The following RAB44 variants were observed in gnomAD, a reference collection of about 807,000 sequenced individuals.
The protein encoded by RAB44 is RAB44, member RAS oncogene family, also known as ras-related protein Rab-44.
RAB44 carries 67 observed loss-of-function variants against 93.3 expected under a neutral mutation model. The ratio of observed to expected loss-of-function variants is 0.72; its 90% CI spans 0.59 to 0.88. The LOEUF is 0.88. Among genes scored for constraint, RAB44 ranks in the 40% least tolerant of loss-of-function variants. RAB44 has a pLI of 0.00. For synonymous variants in RAB44, 427 were observed against 520.3 expected (o/e 0.82, Z 2.44); for missense variants, 1,064 against 1,261.7 (o/e 0.84, Z 2.37).
At chr6:36,726,662 C>G (rs1763246036) in intron 10 of RAB44, among the ~76,000 whole-genome samples, 1 of 152,180 alleles carries the variant, frequency 6.6e-6, no homozygotes, top group South Asian at 2.1e-4. Context: ...TCATAGTATT[C>G]TCACTTGTGT....
At position 36,722,180 on chromosome 6, in the gene RAB44, G is replaced by T; in HGVS notation, c.2046G>T (p.Glu682Asp). ...EEPRSEEGKQ[E>D]GRGGQDLSSE... ...CCAGGTCTGAGGAAGGAAAACAAGA[G>T]GGCAGAGGTGGGCAGGACCTCAGTT... The change falls in exon 9 of 14, where the codon GAG (glutamate) becomes GAT (aspartate). Residue 682 changes from glutamate (E) to aspartate (D), a missense_variant. Coordinates refer to ENST00000612677, the MANE Select transcript of RAB44 (RefSeq NM_001257357.2). 1 of 1,237,906 alleles carries T rather than the reference G, an allele frequency of 8.1e-7. No homozygotes were observed. 76.7% of individuals were successfully genotyped at this position (1,237,906 alleles called of 1,614,324 possible).
chr6:36,718,980 C>A (rs1484254453), intron 7 of RAB44, among the ~76,000 whole-genome samples: 8 of 151,952 alleles, frequency 5.3e-5, no homozygotes, highest in Non-Finnish European at 1.2e-4. Flanking sequence ...TCTTGGCTCA[C>A]TGCAAGCTCC....
chr6:36,710,465 G>T (rs1762756506), intron 2 of RAB44, among the ~76,000 whole-genome samples: 1 of 151,992 alleles, frequency 6.6e-6, no homozygotes, highest in Admixed American at 6.5e-5. Flanking sequence ...CACTTGGGTT[G>T]ATTCTTTTGG....
chr6:36,711,105 A>C (rs1294148293), intron 2 of RAB44, among the ~76,000 whole-genome samples: 1 of 152,240 alleles, frequency 6.6e-6, no homozygotes, highest in African/African-American at 2.4e-5. Context: ...ATTATTTATT[A>C]ATTGATGTAC....
chr6:36,715,118 T>TATATATATATATATATATATATATATATA (rs1562058557), intron 3 of RAB44, among the ~76,000 whole-genome samples: 7 of 151,720 alleles, frequency 4.6e-5, no homozygotes, highest in African/African-American at 1.7e-4. Flanking sequence ...TATATATATA[T>TATATATATATATATATATATATATATATA]TCTTTTCAAC....
intron 12 of RAB44, among the ~76,000 whole-genome samples, chr6:36,729,493 T>C (rs911691236): frequency 6.6e-6 from 1 of 151,224 alleles, no homozygotes; most frequent in East Asian, 1.9e-4. Context: ...TTTCTTTTTT[T>C]TTTTTTTGAG....
chr6:36,725,206 C>T (rs910014300), intron 9 of RAB44, among the ~76,000 whole-genome samples: 3 of 152,122 alleles, frequency 2.0e-5, no homozygotes, highest in Non-Finnish European at 2.9e-5. Context: ...GTTTCACTCT[C>T]GTTGCCCAGG....
rs1452401339 is a variant in RAB44 at position 36,731,701 on chromosome 6, A to G, written c.2976-302A>G. On this transcript the variant is annotated intron_variant, in intron 13 of 13. Coordinates refer to ENST00000612677, the MANE Select transcript of RAB44 (RefSeq NM_001257357.2). The surrounding 1 kb of genome is among the most constrained non-coding windows in gnomAD (Gnocchi z 4.0). ...GTGTGAAGTCCCTGTGTGCCTCCCCATCATTCCCGGGCTGCAGTCACCCCT... is the reference window on the plus strand; with the variant it reads ...GTGTGAAGTCCCTGTGTGCCTCCCCGTCATTCCCGGGCTGCAGTCACCCCT... Among the ~76,000 whole-genome samples the G allele has an allele frequency of 6.6e-6, 1 of 151,916 alleles. No homozygotes were observed.
intron 9 of RAB44, 105 bp from the exon 10 acceptor site, chr6:36,725,757 A>G (rs1763221876): frequency 1.1e-5 from 8 of 759,486 alleles, no homozygotes; most frequent in South Asian, 1.5e-5. Context: ...CAAGGGCTCC[A>G]TCGCACCGCA....
chr6:36,728,916 C>T (rs1232723175), intron 12 of RAB44, 115 bp downstream of exon 12: 15 of 793,012 alleles, frequency 1.9e-5, no homozygotes, highest in East Asian at 1.9e-4. Flanking sequence ...GTGGCCCATT[C>T]CTGCCCCTGC....
At chr6:36,724,953 T>C (rs1005882287) in intron 9 of RAB44, among the ~76,000 whole-genome samples, 1 of 152,210 alleles carries the variant, frequency 6.6e-6, no homozygotes, top group Non-Finnish European at 1.5e-5. Flanking sequence ...CGGGACCAGA[T>C]AGAGAATCAG....
chr6:36,703,727 G>A (rs1562051473), intron 1 of RAB44, among the ~76,000 whole-genome samples: 1 of 152,106 alleles, frequency 6.6e-6, no homozygotes, highest in Non-Finnish European at 1.5e-5. Flanking sequence ...AGGCTGACAG[G>A]GGAGGAGGTG....
chr6:36,721,165 G>T lies in RAB44; in HGVS notation c.1031G>T (p.Gly344Val). ...VEEKLSFPGA[G>V]EKTPDPQAAS... ...TTCATTTCCAGTTTTCCTGGAGCGG[G>T]TGAGAAGACCCCAGACCCTCAGGCT... The change falls in exon 9 of 14, where the codon GGT becomes GTT. Residue 344 changes from glycine (G) to valine (V), a missense_variant. Physicochemically the swap from Gly to Val is moderately radical, Grantham distance 109. Coordinates refer to ENST00000612677, the MANE Select transcript of RAB44 (RefSeq NM_001257357.2). The T allele has an allele frequency of 1.7e-6, 2 of 1,190,068 alleles. No homozygotes were observed. The highest frequency in any genetic ancestry group is 2.1e-6 in the Non-Finnish European group (2 of 964,602). The allele number at this position is 1,190,068 out of a possible 1,614,324, so 73.7% of individuals were successfully genotyped here.
chr6:36,706,431 C>A (rs892795957), intron 2 of RAB44, among the ~76,000 whole-genome samples: 1 of 152,316 alleles, frequency 6.6e-6, no homozygotes, highest in East Asian at 1.9e-4. Context: ...TAAATGGCTT[C>A]CTGTCTTCTT....
intron 1 of RAB44, among the ~76,000 whole-genome samples, chr6:36,701,813 C>T (rs1304764117): frequency 2.0e-5 from 3 of 146,886 alleles, no homozygotes; most frequent in African/African-American, 7.6e-5. Context: ...GTGTGTCCTG[C>T]ACAAGGATGC....
chr6:36,712,129 C>T (rs1762804092), intron 2 of RAB44, among the ~76,000 whole-genome samples: 1 of 151,716 alleles, frequency 6.6e-6, no homozygotes, highest in Admixed American at 6.6e-5. Flanking sequence ...ATGGTGAAAC[C>T]CCATCTCTAC....
chr6:36,725,193 G>C (rs2150340356), intron 9 of RAB44, among the ~76,000 whole-genome samples: 1 of 151,730 alleles, frequency 6.6e-6, no homozygotes, highest in South Asian at 2.1e-4. Context: ...TTTTTGAGAT[G>C]GAGTTTCACT....
chr6:36,722,154 C>A lies in RAB44; in HGVS notation c.2020C>A (p.Pro674Thr), dbSNP rs944747983. 1 of 1,237,178 alleles carries A rather than the reference C, an allele frequency of 8.1e-7. No individual in the cohort carries two copies. The highest frequency in any genetic ancestry group is 1.0e-6 in the Non-Finnish European group (1 of 990,148). The allele number at this position is 1,237,178 out of a possible 1,614,324, so 76.6% of individuals were successfully genotyped here. A position where few individuals can be genotyped will look rare whatever the true frequency, so the allele number is the denominator to read the frequency against. Residue 674 changes from proline to threonine, a missense_variant, in exon 9 of 14, where the codon CCC (proline) becomes ACC (threonine). Transcript: ENST00000612677. ...AFPHQELEEEPRSEEGKQEGR... is the reference protein window; with the variant it reads ...AFPHQELEEETRSEEGKQEGR... ...CCCCCACCAGGAGCTGGAAGAGGAACCCAGGTCTGAGGAAGGAAAACAAGA... is the reference window on the plus strand; with the variant it reads ...CCCCCACCAGGAGCTGGAAGAGGAAACCAGGTCTGAGGAAGGAAAACAAGA...
rs565769890 is a variant in RAB44, at chr6:36,726,337, C to A, written c.2681+394C>A. On this transcript the variant is annotated intron_variant, in intron 10 of 13. Transcript: ENST00000612677. ...CTGGGCTCACTGCAACCTCCACTTA[C>A]CGGGTTCAAGCGATTCTCCTGCTTC... 7.9e-4 allele frequency among the ~76,000 whole-genome samples: 121 copies of A among 152,270 alleles called. 1 individual carries two copies. The highest frequency in any genetic ancestry group is 4.7e-4 in the Non-Finnish European group (32 of 68,016).
Sources: gnomAD v4.1 joint callset for allele counts (sites outside exome capture counted in the v4.1 genomes callset) on GRCh38, gnomAD v4.1.1 for gene constraint, Gnocchi (gnomAD v3.1) non-coding constraint, MANE v1.5 for transcripts, NCBI Gene and HGNC (gene_info 2026-07-23, HGNC 2026-07-21) for gene names.